The following CDH12 variants were observed in gnomAD, a reference collection of about 807,000 sequenced individuals.
The protein encoded by CDH12 is cadherin-12.
A neutral mutation model predicts 74.1 loss-of-function variants in CDH12; 41 were observed. The ratio of observed to expected loss-of-function variants is 0.55; its 90% confidence interval spans 0.43 to 0.72. The LOEUF (loss-of-function observed/expected upper bound fraction) is 0.72. Ranked by LOEUF, CDH12 falls within the 30% of genes least tolerant of loss-of-function variation. The pLI is 0.00. For synonymous variants in CDH12, 399 were observed against 355.0 expected (o/e 1.12, Z -1.39); for missense variants, 945 against 977.2 (o/e 0.97, Z 0.44).
intron 1 of CDH12, among the ~76,000 whole-genome samples, chr5:22,803,581 G>A (rs1748640867): frequency 6.6e-6 from 1 of 152,116 alleles, no homozygotes; most frequent in Non-Finnish European, 1.5e-5. Flanking sequence ...GCTTCTTCCT[G>A]ACATCTGGTC....
At chr5:22,722,311 G>T (rs936888660) in intron 1 of CDH12, among the ~76,000 whole-genome samples, 2 of 152,208 alleles carry the variant, frequency 1.3e-5, no homozygotes, top group Non-Finnish European at 2.9e-5. Context: ...GTATGTGGTG[G>T]TGTTTTGCTT....
chr5:22,608,633 G>C (rs1238884397), intron 1 of CDH12, among the ~76,000 whole-genome samples: 1 of 152,134 alleles, frequency 6.6e-6, no homozygotes, highest in Non-Finnish European at 1.5e-5. Flanking sequence ...TTGGCTCTGT[G>C]TCCCCACACA....
chr5:22,397,577 T>C (rs546476387), intron 3 of CDH12, among the ~76,000 whole-genome samples: 3 of 152,160 alleles, frequency 2.0e-5, no homozygotes, highest in East Asian at 3.9e-4. Context: ...TAGAATTTTG[T>C]AACCTTATAA....
intron 1 of CDH12, among the ~76,000 whole-genome samples, chr5:22,512,826 G>A (rs1040977046): frequency 1.3e-5 from 2 of 152,142 alleles, no homozygotes; most frequent in African/African-American, 2.4e-5. Flanking sequence ...ACTTTGGGAG[G>A]CCTAGTCGGG....
chr5:21,828,044 T>A (rs1490083581), intron 8 of CDH12, among the ~76,000 whole-genome samples: 1 of 152,094 alleles, frequency 6.6e-6, no homozygotes, highest in East Asian at 1.9e-4. Context: ...TACAAAAATA[T>A]GCCACAAGCA....
chr5:22,269,723 A>G (rs997381428), intron 3 of CDH12, among the ~76,000 whole-genome samples: 2 of 152,194 alleles, frequency 1.3e-5, no homozygotes, highest in Non-Finnish European at 2.9e-5. Flanking sequence ...CTTACAGAAT[A>G]TTATGAGAGC....
At chr5:22,004,935 T>A (rs539017169) in intron 5 of CDH12, among the ~76,000 whole-genome samples, 1 of 152,350 alleles carries the variant, frequency 6.6e-6, no homozygotes, top group East Asian at 1.9e-4. Context: ...CCCAAGATAA[T>A]GGCCTCCAGC....
chr5:21,872,885 C>T (rs957655011), intron 6 of CDH12, among the ~76,000 whole-genome samples: 2 of 148,538 alleles, frequency 1.3e-5, no homozygotes, highest in African/African-American at 5.0e-5. Flanking sequence ...CAATCACCTA[C>T]CTATCATCCA....
intron 5 of CDH12, among the ~76,000 whole-genome samples, chr5:22,061,403 G>A (rs936563372): frequency 1.2e-4 from 19 of 152,042 alleles, no homozygotes; most frequent in African/African-American, 2.9e-4. Context: ...TATGAGCTAC[G>A]TTTAAATTTT....
chr5:22,531,555 G>A (rs575949340), intron 1 of CDH12, among the ~76,000 whole-genome samples: 5 of 152,048 alleles, frequency 3.3e-5, no homozygotes, highest in Non-Finnish European at 7.4e-5. Context: ...TGGGAGGGAA[G>A]GGCTATCTCC....
intron 3 of CDH12, among the ~76,000 whole-genome samples, chr5:22,315,781 C>G (rs1485452769): frequency 2.0e-5 from 3 of 152,082 alleles, no homozygotes; most frequent in African/African-American, 2.4e-5. Context: ...GGAAGAGGAA[C>G]AGGAGAGTAA....
intron 2 of CDH12, among the ~76,000 whole-genome samples, chr5:22,424,433 C>T (rs1007115873): frequency 6.6e-6 from 1 of 152,252 alleles, no homozygotes; most frequent in African/African-American, 2.4e-5. Context: ...CCCTGCTGAT[C>T]GAGCTCAAAG....
intron 3 of CDH12, among the ~76,000 whole-genome samples, chr5:22,242,166 C>CT (rs754017877): frequency 6.6e-6 from 1 of 152,024 alleles, no homozygotes; most frequent in Non-Finnish European, 1.5e-5. Flanking sequence ...TATATTTGCA[C>CT]TAAATATTAA....
intron 1 of CDH12, among the ~76,000 whole-genome samples, chr5:22,562,142 C>T (rs1739077626): frequency 6.6e-6 from 1 of 151,972 alleles, no homozygotes; most frequent in South Asian, 2.1e-4. Flanking sequence ...ACGGTGAAAC[C>T]CCGTCTCTAC....
At chr5:22,253,425 C>G (rs1266250514) in intron 3 of CDH12, among the ~76,000 whole-genome samples, 1 of 151,748 alleles carries the variant, frequency 6.6e-6, no homozygotes, top group Non-Finnish European at 1.5e-5. Context: ...CAATGATACT[C>G]AAAAATTAAC....
In CDH12 at chr5:22,117,468, A is replaced by ATT. The variant is rs1491347240; in HGVS notation, c.-186-38607_-186-38606insAA. Among the ~76,000 whole-genome samples the ATT allele has an allele frequency of 7.4e-4, 56 of 75,982 alleles. 1 individual carries two copies. Among genetic ancestry groups the ATT allele is most frequent in the African/African-American group, 2.7e-3 (50 of 18,534 alleles). 49.8% of individuals were successfully genotyped at this position (75,982 alleles called of 152,430 possible). A position where few individuals can be genotyped will look rare whatever the true frequency, so the allele number is the denominator to read the frequency against. ...TATATAATATATATATTATATATAT[A>ATT]ATATATATATTATATATATATTATA... On this transcript the variant is annotated intron_variant, in intron 4 of 14. Coordinates refer to ENST00000382254, the MANE Select transcript of CDH12 (RefSeq NM_004061.5).
intron 11 of CDH12, among the ~76,000 whole-genome samples, chr5:21,782,347 G>T (rs1745961743): frequency 6.6e-6 from 1 of 152,174 alleles, no homozygotes; most frequent in Non-Finnish European, 1.5e-5. Flanking sequence ...AATGGGATCA[G>T]CTAAAGATAT....
At chr5:22,485,102 T>C (rs1295111241) in intron 2 of CDH12, among the ~76,000 whole-genome samples, 4 of 152,300 alleles carry the variant, frequency 2.6e-5, no homozygotes, top group African/African-American at 7.2e-5. Flanking sequence ...CACATGAATG[T>C]TGTTCAGGTG....
chr5:21,817,164 T>A, intron 8 of CDH12, 32 bp from the exon 9 acceptor site: 1 of 1,471,992 alleles, frequency 6.8e-7, no homozygotes, highest in Non-Finnish European at 9.4e-7. Context: ...GAATTGACAG[T>A]GGGGTTAGTA....
Sources: allele counts gnomAD v4.1 joint callset (sites outside exome capture counted in the v4.1 genomes callset), GRCh38; gene constraint gnomAD v4.1.1; transcripts MANE v1.5; gene names NCBI Gene and HGNC (gene_info 2026-07-23, HGNC 2026-07-21).